The following TMEM178B variants were observed in gnomAD, a reference collection of about 807,000 sequenced individuals.
TMEM178B encodes the protein transmembrane protein 178B.
In TMEM178B, 5 loss-of-function variants were observed where a neutral mutation model predicts 31.0. That is an observed-to-expected ratio of 0.16 (90% CI 0.08 to 0.34). TMEM178B has a LOEUF of 0.34. TMEM178B is among the 10% of genes least tolerant of loss of function. The probability of loss-of-function intolerance (pLI) is 1.00; values close to 1 mark genes in which losing one functional copy is unlikely to be tolerated. For missense variants in TMEM178B, 275 were observed against 400.3 expected, an observed-to-expected ratio of 0.69 and a Z score of 2.67; for synonymous variants, 164 against 164.0, an observed-to-expected ratio of 1.00 and a Z score of 0.00.
chr7:141,289,643 A>T (rs1798508799), intron 2 of TMEM178B, among the ~76,000 whole-genome samples: 1 of 144,958 alleles, frequency 6.9e-6, no homozygotes, highest in Non-Finnish European at 1.5e-5. Flanking sequence ...TGAACCCAGG[A>T]GGTGGAGGTT....
At chr7:141,426,647 G>C (rs184499475) in intron 2 of TMEM178B, among the ~76,000 whole-genome samples, 3 of 152,282 alleles carry the variant, frequency 2.0e-5, no homozygotes, top group Non-Finnish European at 4.4e-5. Flanking sequence ...GTGATGCAGG[G>C]AGAGGCAGAG....
At chr7:141,489,500 G>T in the TMEM178B span, among the ~76,000 whole-genome samples, 3 of 152,068 alleles carry the variant, frequency 2.0e-5, no homozygotes, top group African/African-American at 7.2e-5. Flanking sequence ...TTATATACAG[G>T]TTATTGTATT....
At chr7:141,104,578 G>T (rs1196928307) in intron 1 of TMEM178B, among the ~76,000 whole-genome samples, 1 of 152,190 alleles carries the variant, frequency 6.6e-6, no homozygotes, top group Admixed American at 6.5e-5. Flanking sequence ...ACTGAATCAT[G>T]TCTCTTATTT....
At chr7:141,114,077 C>T (rs1691290483) in intron 1 of TMEM178B, among the ~76,000 whole-genome samples, 1 of 152,220 alleles carries the variant, frequency 6.6e-6, no homozygotes, top group Admixed American at 6.5e-5. Context: ...CAGATGACCA[C>T]AGAAGAGCAT....
chr7:141,438,693 T>TCCAAAAA (rs1300542734), intron 3 of TMEM178B, among the ~76,000 whole-genome samples: 1 of 29,638 alleles, frequency 3.4e-5, no homozygotes, highest in African/African-American at 1.2e-4. Context: ...ACCCCGTCTC[T>TCCAAAAA]ACTAAAAAAA....
intron 1 of TMEM178B, among the ~76,000 whole-genome samples, chr7:141,105,179 G>A (rs1023231079): frequency 2.6e-5 from 4 of 152,140 alleles, no homozygotes; most frequent in African/African-American, 9.7e-5. Context: ...GTCATTGTAT[G>A]AGCAAACCCC....
In TMEM178B at chr7:141,097,315, G is replaced by A. The variant is rs1373061298; in HGVS notation, c.382+22623G>A. On this transcript the variant is annotated intron_variant, in intron 1 of 3. Coordinates refer to ENST00000565468, the MANE Select transcript of TMEM178B (RefSeq NM_001195278.2). ...ACCCGGGAGGAGTTTGCAGTGAGCC[G>A]AGATAGCACCACTGCAGTCCGGCCT... Among the ~76,000 whole-genome samples, 3 of 140,462 alleles carry A rather than the reference G, an allele frequency of 2.1e-5. No homozygotes were observed. In the Admixed American group the frequency reaches 2.3e-4, roughly 11 times the overall value. 92.1% of individuals were successfully genotyped at this position (140,462 alleles called of 152,430 possible).
At chr7:141,156,474 C>T (rs1457954988) in intron 1 of TMEM178B, among the ~76,000 whole-genome samples, 1 of 152,162 alleles carries the variant, frequency 6.6e-6, no homozygotes, top group Non-Finnish European at 1.5e-5. Context: ...TAATAAAACA[C>T]AGATTCAAAA....
At chr7:141,173,933 A>G (rs1001803579) in intron 1 of TMEM178B, among the ~76,000 whole-genome samples, 3 of 152,200 alleles carry the variant, frequency 2.0e-5, no homozygotes, top group Non-Finnish European at 4.4e-5. Flanking sequence ...CTACCTTTCT[A>G]ATCAGTCAAG....
At chr7:141,106,501 C>T (rs1052225526) in intron 1 of TMEM178B, among the ~76,000 whole-genome samples, 3 of 152,162 alleles carry the variant, frequency 2.0e-5, no homozygotes, top group Non-Finnish European at 4.4e-5. Flanking sequence ...AGTACAAGCT[C>T]ACAGTTATTT....
chr7:141,179,299 G>C (rs1007649094), intron 1 of TMEM178B, among the ~76,000 whole-genome samples: 1 of 152,256 alleles, frequency 6.6e-6, no homozygotes, highest in Non-Finnish European at 1.5e-5. Context: ...TGATTTGAAG[G>C]GTTAATAATA....
chr7:141,457,642 G>T (rs1425450599), intron 3 of TMEM178B, among the ~76,000 whole-genome samples: 1 of 152,222 alleles, frequency 6.6e-6, no homozygotes, highest in Admixed American at 6.5e-5. Flanking sequence ...TAATAAGAAA[G>T]TGTGGGGTAA....
intron 3 of TMEM178B, among the ~76,000 whole-genome samples, chr7:141,456,789 A>G (rs1801971756): frequency 6.6e-6 from 1 of 152,190 alleles, no homozygotes; most frequent in African/African-American, 2.4e-5. Context: ...GAGAGAAGAA[A>G]AGCAGGGGCA....
At chr7:141,138,847 G>T (rs530034303) in intron 1 of TMEM178B, among the ~76,000 whole-genome samples, 1 of 152,004 alleles carries the variant, frequency 6.6e-6, no homozygotes, top group Non-Finnish European at 1.5e-5. Context: ...AGCCGGGTGT[G>T]GTGGCACGTG....
Position 141,422,819 on chromosome 7 carries a change from A to G in TMEM178B, c.497-14789A>G, listed in dbSNP as rs1003985231. ...TGTCACTCACCAACCTTCTGCGTCC[A>G]TCTCCTGGTCTCTTGTTATATGTAA... On this transcript the variant is annotated intron_variant, in intron 2 of 3. Transcript: ENST00000565468. This position sits in a 1 kb window ranked among gnomAD's most constrained non-coding sequence, Gnocchi z 4.2. Among the ~76,000 whole-genome samples the G allele has an allele frequency of 6.6e-6, 1 of 152,004 alleles. No individual in the cohort carries two copies. Among genetic ancestry groups the G allele is most frequent in the Non-Finnish European group, 1.5e-5 (1 of 68,006 alleles).
At chr7:141,274,707 G>A (rs1330006971) in intron 2 of TMEM178B, among the ~76,000 whole-genome samples, 1 of 152,200 alleles carries the variant, frequency 6.6e-6, no homozygotes, top group African/African-American at 2.4e-5. Flanking sequence ...GAATTCCAAA[G>A]TCCTGGACAC....
chr7:141,159,764 C>T (rs1187119765), intron 1 of TMEM178B, among the ~76,000 whole-genome samples: 1 of 151,716 alleles, frequency 6.6e-6, no homozygotes, highest in African/African-American at 2.4e-5. Flanking sequence ...TTAGAATGGA[C>T]AAATTCATAG....
intron 2 of TMEM178B, among the ~76,000 whole-genome samples, chr7:141,250,422 G>T (rs559688417): frequency 6.6e-6 from 1 of 152,314 alleles, no homozygotes; most frequent in East Asian, 1.9e-4. Context: ...GGGCAGTCTG[G>T]CTCCAGCATC....
chr7:141,437,066 C>T (rs1801558497), intron 2 of TMEM178B, among the ~76,000 whole-genome samples: 1 of 152,144 alleles, frequency 6.6e-6, no homozygotes, highest in Non-Finnish European at 1.5e-5. Flanking sequence ...TGTTAGCTTT[C>T]CCTCACCTGC....
Sources: allele counts gnomAD v4.1 joint callset (sites outside exome capture counted in the v4.1 genomes callset), GRCh38; gene constraint gnomAD v4.1.1; non-coding constraint Gnocchi (gnomAD v3.1); transcripts MANE v1.5; gene names NCBI Gene and HGNC (gene_info 2026-07-23, HGNC 2026-07-21).